Variants in THBS3 observed in about 807,000 individuals in gnomAD.
THBS3 encodes the protein thrombospondin 3.
In THBS3, 78 loss-of-function variants were observed where a neutral mutation model predicts 118.3. The observed-to-expected ratio is 0.66, with a 90% CI of 0.55 to 0.80. The LOEUF is 0.80. THBS3 is among the 30% of genes least tolerant of loss of function. The pLI is 0.00. For missense variants in THBS3, 1,057 were observed against 1,247.4 expected, an observed-to-expected ratio of 0.85 and a Z score of 2.30; for synonymous variants, 427 against 475.3, an observed-to-expected ratio of 0.90 and a Z score of 1.32.
At position 155,195,613 on chromosome 1, in the gene THBS3, C is replaced by G; in HGVS notation, c.*228G>C. 3 of 515,200 alleles carry G rather than the reference C, an allele frequency of 5.8e-6. No individual in the cohort carries two copies. The highest frequency in any genetic ancestry group is 1.1e-5 in the Non-Finnish European group (3 of 284,826). The allele number at this position is 515,200 out of a possible 1,614,324, so 31.9% of individuals were successfully genotyped here. On this transcript the variant is annotated 3_prime_UTR_variant, in exon 23 of 23. Coordinates refer to ENST00000368378, the MANE Select transcript of THBS3 (RefSeq NM_007112.5). ...TTAGAAAACAACCAAAACTTTATGGCAATGTGCTGTCATCTTTCCTGGGGT... is the reference window on the plus strand; with the variant it reads ...TTAGAAAACAACCAAAACTTTATGGGAATGTGCTGTCATCTTTCCTGGGGT...
intron 13 of THBS3, 43 bp downstream of exon 13, chr1:155,200,854 G>A: frequency 6.2e-7 from 1 of 1,614,028 alleles, no homozygotes; most frequent in Non-Finnish European, 8.5e-7. Flanking sequence ...AGGACAGGAG[G>A]AGGGGAGAGG....
At chr1:155,208,786 A>C (rs367798895), upstream of THBS3, 4,348 of 1,505,366 alleles carry the variant, frequency 2.9e-3, 11 homozygotes, top group Non-Finnish European at 3.5e-3. Context: ...CGCTCCAAAC[A>C]TAACGCGCTG....
chr1:155,197,759 T>C lies in THBS3; in HGVS notation c.2303-100A>G. 1 of 1,586,330 alleles carries C rather than the reference T, an allele frequency of 6.3e-7. No individual in the cohort carries two copies. The highest frequency in any genetic ancestry group is 8.6e-7 in the Non-Finnish European group (1 of 1,157,108). On this transcript the variant is annotated intron_variant, in intron 19 of 22. Transcript: ENST00000368378. This position sits in a 1 kb window ranked among gnomAD's most constrained non-coding sequence, Gnocchi z 5.0. Reference sequence around the variant, plus strand: ...GATGCCTGCTATGTATGTGGCCAGCTTGTGCCACTGCCTTCTCTCTCGCCA... The same window carrying C: ...GATGCCTGCTATGTATGTGGCCAGCCTGTGCCACTGCCTTCTCTCTCGCCA...
At position 155,197,440 on chromosome 1, in the gene THBS3, G is replaced by A. The variant is rs1158882454; in HGVS notation, c.2499+23C>T. Reference sequence around the variant, plus strand: ...GAGCTTTGGGAAAGGGCCCTGGGTTGCGGAATCTGAGCAGCTGGGGACCTT... The same window carrying A: ...GAGCTTTGGGAAAGGGCCCTGGGTTACGGAATCTGAGCAGCTGGGGACCTT... On this transcript the variant is annotated intron_variant, in intron 20 of 22. Coordinates refer to ENST00000368378, the MANE Select transcript of THBS3 (RefSeq NM_007112.5). This position sits in a 1 kb window ranked among gnomAD's most constrained non-coding sequence, Gnocchi z 5.0. The A allele has an allele frequency of 6.2e-6, 10 of 1,608,124 alleles. No individual in the cohort carries two copies. The Admixed American group carries it at 1.7e-4, about 27-fold the overall frequency.
rs149314712 is a variant in THBS3, at chr1:155,202,838, C to T, written c.931G>A (p.Gly311Ser). 4.0e-4 allele frequency: 652 copies of T among 1,613,170 alleles called. No homozygotes were observed. The highest frequency in any genetic ancestry group is 6.0e-4 in the Admixed American group (36 of 59,996). Residue 311 changes from glycine (G) to serine (S), a missense_variant, in exon 8 of 23, where the codon GGC becomes AGC. Physicochemically the swap from Gly to Ser is moderately conservative, Grantham distance 56. Coordinates refer to ENST00000368378, the MANE Select transcript of THBS3 (RefSeq NM_007112.5). This position sits in a 1 kb window ranked among gnomAD's most constrained non-coding sequence, Gnocchi z 5.5. The part of the protein sequence containing the change: ...GPCPPGLQGN[G>S]THCSDINECA... Reference sequence around the variant, plus strand: ...TCATTGATGTCACTGCAGTGGGTGCCGTTGCCCTGCAGGCCAGGGGGGCAG... The same window carrying T: ...TCATTGATGTCACTGCAGTGGGTGCTGTTGCCCTGCAGGCCAGGGGGGCAG...
Position 155,207,887 on chromosome 1 carries a change from C to G in THBS3, c.-11G>C, listed in dbSNP as rs747145941. On this transcript the variant is annotated 5_prime_UTR_variant, in exon 1 of 23. Transcript: ENST00000368378. ...TTCCTGCGTCTCCATGCCTCTCAGC[C>G]GGCTCACTACCCCTGGCAGGCAGGC... 54 of 1,613,460 alleles carry G rather than the reference C, an allele frequency of 3.3e-5. 1 individual carries two copies. The South Asian group carries it at 5.9e-4, about 18-fold the overall frequency.
chr1:155,207,950 G>GC (rs1417654055), upstream of THBS3: 5 of 1,288,248 alleles, frequency 3.9e-6, no homozygotes, highest in Non-Finnish European at 5.2e-6. Flanking sequence ...GAGAGCAGGA[G>GC]CCGGGGGGCG....
At position 155,202,872 on chromosome 1, in the gene THBS3, G is replaced by T. The variant is rs867244604; in HGVS notation, c.897C>A (p.Arg299=). 2 of 1,613,756 alleles carry T rather than the reference G, an allele frequency of 1.2e-6. No individual in the cohort carries two copies. The highest frequency in any genetic ancestry group is 1.6e-4 in the Middle Eastern group (1 of 6,062). The part of the protein sequence containing the change: ...CMEVYEYPGY[R]CGPCPPGLQG... ...GCAGGCCAGGGGGGCAGGGCCCACA[G>T]CGGTAGCCTGGGTACTCGTACACTT... The change falls in exon 8 of 23, where the codon CGC becomes CGA. Residue 299 remains arginine, a synonymous_variant. Coordinates refer to ENST00000368378, the MANE Select transcript of THBS3 (RefSeq NM_007112.5). The surrounding 1 kb of genome is among the most constrained non-coding windows in gnomAD (Gnocchi z 5.5).
chr1:155,203,271 G>A lies in THBS3; in HGVS notation c.708C>T (p.Thr236=). 1 of 1,614,152 alleles carries A rather than the reference G, an allele frequency of 6.2e-7. No individual in the cohort carries two copies. Among genetic ancestry groups the A allele is most frequent in the East Asian group, 2.2e-5 (1 of 44,882 alleles). Residue 236 remains threonine (T), a synonymous_variant, in exon 6 of 23, where the codon ACC becomes ACT. Transcript: ENST00000368378. ...GCTCCACCAGGATCTGGTTGAAGAG[G>A]GTGAGTTGGGTGACCAGCGCCTTGG... ...EQTKALVTQL[T]LFNQILVELR... is the part of the protein sequence containing the mutation.
chr1:155,205,360 C>T, intron 2 of THBS3, 44 bp from the exon 3 acceptor site: 1 of 1,593,172 alleles, frequency 6.3e-7, no homozygotes, highest in Non-Finnish European at 8.6e-7. Context: ...CCCCCACCCC[C>T]TGCCTCCCAG....
upstream of THBS3, chr1:155,208,773 G>T: frequency 6.8e-7 from 1 of 1,466,532 alleles, no homozygotes; most frequent in Non-Finnish European, 9.0e-7. Flanking sequence ...GCGGCGCAGG[G>T]CCCGCTCCAA....
intron 2 of THBS3, 137 bp from the exon 3 acceptor site, chr1:155,205,453 T>A (rs1206466231): frequency 8.6e-7 from 1 of 1,163,356 alleles, no homozygotes; most frequent in Admixed American, 2.5e-5. Flanking sequence ...CAACACCTTG[T>A]ATTTAATAGG....
At chr1:155,201,250 C>T (rs762849683) in intron 11 of THBS3, 46 bp from the exon 12 acceptor site, 3 of 1,610,280 alleles carry the variant, frequency 1.9e-6, no homozygotes, top group Non-Finnish European at 2.5e-6. Flanking sequence ...GTCTGGCTCC[C>T]CTCCTCCCTA....
At position 155,197,720 on chromosome 1, in the gene THBS3, T is replaced by G. The variant is rs1300209433; in HGVS notation, c.2303-61A>C. On this transcript the variant is annotated intron_variant, in intron 19 of 22. Transcript: ENST00000368378. This position sits in a 1 kb window ranked among gnomAD's most constrained non-coding sequence, Gnocchi z 5.0. ...AAGCTACTGGCGGCCCATCATGGGG[T>G]AAAGTTGGGAAGGGATGCCTGCTAT... is the stretch of plus-strand genomic sequence containing the variant. 6.2e-7 allele frequency: 1 copy of G among 1,601,136 alleles called. No individual in the cohort carries two copies. The highest frequency in any genetic ancestry group is 8.5e-7 in the Non-Finnish European group (1 of 1,170,234).
chr1:155,204,673 C>T, intron 4 of THBS3, 182 bp downstream of exon 4: 1 of 615,802 alleles, frequency 1.6e-6, no homozygotes, highest in African/African-American at 1.9e-5. Flanking sequence ...CACTTTTTTT[C>T]TCGGATGGGT....
In THBS3 at chr1:155,204,857, G is replaced by T; in HGVS notation, c.644C>A (p.Ala215Glu). Residue 215 changes from alanine to glutamate, a missense_variant and splice_region_variant, in exon 4 of 23, where the codon GCA becomes GAA. Around this residue, in one of 3 missense-constraint regions of THBS3, gnomAD observed 544 missense variants for 715.6 expected, o/e 0.76. Coordinates refer to ENST00000368378, the MANE Select transcript of THBS3 (RefSeq NM_007112.5). ...PFQGDESIHS[A>E]VTNALHSILG... Reference sequence around the variant, plus strand: ...CAGCAAACAAGTCTCTGTGTTACCTGCACTGTGGATGGACTCGTCCCCTTG... The same window carrying T: ...CAGCAAACAAGTCTCTGTGTTACCTTCACTGTGGATGGACTCGTCCCCTTG... The T allele has an allele frequency of 6.2e-7, 1 of 1,613,750 alleles. No homozygotes were observed. Among genetic ancestry groups the T allele is most frequent in the Non-Finnish European group, 8.5e-7 (1 of 1,179,856 alleles).
Position 155,202,788 on chromosome 1 carries a change from C to A in THBS3, c.957+24G>T, listed in dbSNP as rs182928046. ...CATCCTCACCCCAGTTTTCTGTACCCTTCTGGGCTCTGACCTCCCTCACCT... is the reference window on the plus strand; with the variant it reads ...CATCCTCACCCCAGTTTTCTGTACCATTCTGGGCTCTGACCTCCCTCACCT... On this transcript the variant is annotated intron_variant, in intron 8 of 22. Transcript: ENST00000368378. The surrounding 1 kb of genome is among the most constrained non-coding windows in gnomAD (Gnocchi z 5.5). 3 of 1,599,772 alleles carry A rather than the reference C, an allele frequency of 1.9e-6. No individual in the cohort carries two copies. The highest frequency in any genetic ancestry group is 4.5e-5 in the East Asian group (2 of 44,698).
rs1669961559 is a variant in THBS3 at position 155,202,694 on chromosome 1, A to T, written c.957+118T>A. 9.2e-6 allele frequency: 13 copies of T among 1,412,206 alleles called. No homozygotes were observed. The highest frequency in any genetic ancestry group is 1.1e-5 in the Non-Finnish European group (12 of 1,046,122). The allele number at this position is 1,412,206 out of a possible 1,614,324, so 87.5% of individuals were successfully genotyped here. On this transcript the variant is annotated intron_variant, in intron 8 of 22. Coordinates refer to ENST00000368378, the MANE Select transcript of THBS3 (RefSeq NM_007112.5). The surrounding 1 kb of genome is among the most constrained non-coding windows in gnomAD (Gnocchi z 5.5). ...CCATCTTGCATTTCTCTTGCCTCTGACCTCTCCTAAACTCCAGATTCCTCT... is the reference window on the plus strand; with the variant it reads ...CCATCTTGCATTTCTCTTGCCTCTGTCCTCTCCTAAACTCCAGATTCCTCT...
chr1:155,197,114 G>A lies in THBS3; in HGVS notation c.2599C>T (p.Arg867Ter), dbSNP rs1405514754. The change falls in exon 21 of 23, where the codon CGA becomes TGA. Residue 867 changes from arginine (R) to a stop codon, truncating the protein, a stop_gained. Coordinates refer to ENST00000368378, the MANE Select transcript of THBS3 (RefSeq NM_007112.5). LOFTEE classifies it high-confidence loss of function. The surrounding 1 kb of genome is among the most constrained non-coding windows in gnomAD (Gnocchi z 5.0). ...DQVRLLWTDPRNVGWRDKTSY... is the reference protein window; with the variant it reads ...DQVRLLWTDP ...GTCTTGTCCCGCCAGCCCACATTTC[G>A]TGGGTCTGTCCACAGCAGTCGTACC... The A allele has an allele frequency of 1.1e-5, 17 of 1,614,052 alleles. No individual in the cohort carries two copies. Among genetic ancestry groups the A allele is most frequent in the East Asian group, 2.2e-5 (1 of 44,896 alleles).
Sources: allele counts gnomAD v4.1 joint callset, GRCh38; gene constraint gnomAD v4.1.1; regional missense constraint gnomAD v4.1.1; non-coding constraint Gnocchi (gnomAD v3.1); transcripts MANE v1.5; gene names NCBI Gene and HGNC (gene_info 2026-07-23, HGNC 2026-07-21).